CADM2: variants seen among roughly 807,000 people sequenced by gnomAD.
The protein encoded by CADM2 is immunoglobulin superfamily member 4D.
A neutral mutation model predicts 49.8 loss-of-function variants in CADM2; 12 were observed. That is an observed-to-expected ratio of 0.24 (90% CI 0.15 to 0.39). The LOEUF (loss-of-function observed/expected upper bound fraction) is 0.39. Among genes scored for constraint, CADM2 ranks in the 10% least tolerant of loss-of-function variants. CADM2 has a pLI of 1.00. For missense variants in CADM2, 378 were observed against 492.3 expected (o/e 0.77, Z 2.20); for synonymous variants, 214 against 175.4 (o/e 1.22, Z -1.74).
intron 1 of CADM2, among the ~76,000 whole-genome samples, chr3:85,229,268 G>C (rs1037103142): frequency 6.6e-6 from 1 of 152,156 alleles, no homozygotes; most frequent in Non-Finnish European, 1.5e-5. Flanking sequence ...GACCCGCTGA[G>C]CCAGGCACCA....
intron 1 of CADM2, among the ~76,000 whole-genome samples, chr3:84,990,624 A>T (rs1315450574): frequency 1.3e-5 from 2 of 151,990 alleles, no homozygotes; most frequent in African/African-American, 4.8e-5. Context: ...ATTAAAATAC[A>T]TTTTTATAAT....
intron 1 of CADM2, among the ~76,000 whole-genome samples, chr3:85,696,633 T>C (rs1003546995): frequency 6.6e-6 from 1 of 152,070 alleles, no homozygotes; most frequent in Non-Finnish European, 1.5e-5. Context: ...AAATTCTTAG[T>C]AGTTAATATT....
intron 8 of CADM2, among the ~76,000 whole-genome samples, chr3:86,037,465 A>G (rs149123860): frequency 6.6e-6 from 1 of 152,320 alleles, no homozygotes; most frequent in African/African-American, 2.4e-5. Context: ...GCACTAAACT[A>G]TAATGAAAGG....
At chr3:85,318,561 G>A (rs1307809758) in intron 1 of CADM2, among the ~76,000 whole-genome samples, 1 of 151,936 alleles carries the variant, frequency 6.6e-6, no homozygotes, top group African/African-American at 2.4e-5. Flanking sequence ...AAAGAAACAA[G>A]GTCCAAACTA....
At chr3:85,769,548 CATATATGTATATAT>C (rs2069933563) in intron 2 of CADM2, among the ~76,000 whole-genome samples, 1 of 73,842 alleles carries the variant, frequency 1.4e-5, no homozygotes, top group African/African-American at 5.2e-5. Flanking sequence ...CACGTATATA[CATATATGTATATAT>C]ACACGTATAT....
intron 2 of CADM2, among the ~76,000 whole-genome samples, chr3:85,792,815 C>G (rs570038479): frequency 4.6e-5 from 7 of 152,318 alleles, no homozygotes; most frequent in South Asian, 4.1e-4. Context: ...TCTCTTTCAA[C>G]AATACTTATT....
intron 1 of CADM2, among the ~76,000 whole-genome samples, chr3:85,065,844 A>G (rs2036509674): frequency 6.6e-6 from 1 of 152,180 alleles, no homozygotes; most frequent in Non-Finnish European, 1.5e-5. Context: ...GATTTGGAGT[A>G]TATATGAAAA....
intron 1 of CADM2, among the ~76,000 whole-genome samples, chr3:85,551,035 G>A (rs572060105): frequency 2.0e-5 from 3 of 152,074 alleles, no homozygotes; most frequent in Non-Finnish European, 4.4e-5. Flanking sequence ...TCAGGCTGGA[G>A]TGTAGTGGTG....
At chr3:85,318,819 G>C (rs886670481) in intron 1 of CADM2, among the ~76,000 whole-genome samples, 4 of 152,104 alleles carry the variant, frequency 2.6e-5, no homozygotes, top group Non-Finnish European at 5.9e-5. Context: ...TAAGGTCATT[G>C]ACTGTAAGTT....
intron 2 of CADM2, among the ~76,000 whole-genome samples, chr3:85,776,122 A>G (rs1193325743): frequency 6.6e-6 from 1 of 151,908 alleles, no homozygotes; most frequent in Non-Finnish European, 1.5e-5. Flanking sequence ...TTATACTTTC[A>G]TTATTGTTAT....
At chr3:85,967,081 TAATAATA>T in intron 8 of CADM2, among the ~76,000 whole-genome samples, 1 of 151,800 alleles carries the variant, frequency 6.6e-6, no homozygotes, top group African/African-American at 2.4e-5. Flanking sequence ...CTTTTATTGT[TAATAATA>T]AATGTCAAAA....
chr3:85,646,214 G>T (rs971498396), intron 1 of CADM2, among the ~76,000 whole-genome samples: 1 of 151,926 alleles, frequency 6.6e-6, no homozygotes, highest in Admixed American at 6.6e-5. Context: ...AACCTGAACT[G>T]TTTCCTAGAT....
At chr3:85,836,830 C>A (rs1416495867) in intron 3 of CADM2, among the ~76,000 whole-genome samples, 1 of 151,532 alleles carries the variant, frequency 6.6e-6, no homozygotes, top group Non-Finnish European at 1.5e-5. Flanking sequence ...TTGATACGAG[C>A]AAAATGGCAT....
In CADM2 at chr3:84,959,303, T is replaced by C. The variant is rs1378702273; in HGVS notation, c.-305T>C. Reference sequence around the variant, plus strand: ...AGCCCCGGCGGGCTCTGGGACTTGCTGTGCGCGCCGAGAGGAAGGCAAGCT... The same window carrying C: ...AGCCCCGGCGGGCTCTGGGACTTGCCGTGCGCGCCGAGAGGAAGGCAAGCT... On this transcript the variant is annotated 5_prime_UTR_variant, in exon 1 of 10. Transcript: ENST00000383699. 1 of 518,610 alleles carries C rather than the reference T, an allele frequency of 1.9e-6. No homozygotes were observed. Among genetic ancestry groups the C allele is most frequent in the East Asian group, 3.5e-5 (1 of 28,202 alleles). The allele number at this position is 518,610 out of a possible 1,614,324, so 32.1% of individuals were successfully genotyped here.
chr3:85,557,792 T>C (rs2061998214), intron 1 of CADM2, among the ~76,000 whole-genome samples: 1 of 152,016 alleles, frequency 6.6e-6, no homozygotes, highest in East Asian at 1.9e-4. Flanking sequence ...ATTTAATCTA[T>C]TTGTGAGTCC....
At chr3:85,292,040 A>G (rs2043813277) in intron 1 of CADM2, among the ~76,000 whole-genome samples, 1 of 151,670 alleles carries the variant, frequency 6.6e-6, no homozygotes, top group Non-Finnish European at 1.5e-5. Context: ...TATTCAGGAA[A>G]CCCATCTCAT....
chr3:85,062,788 C>G (rs1320378396), intron 1 of CADM2, among the ~76,000 whole-genome samples: 1 of 151,828 alleles, frequency 6.6e-6, no homozygotes, highest in Non-Finnish European at 1.5e-5. Context: ...ATTCTCAACC[C>G]TAATGATGAT....
rs1236607119 is a variant in CADM2, at chr3:86,070,012, G to A, written c.*3229G>A. The A allele has an allele frequency of 6.6e-6, 1 of 151,778 alleles. No individual in the cohort carries two copies. The highest frequency in any genetic ancestry group is 2.4e-5 in the African/African-American group (1 of 41,396). 9.4% of individuals were successfully genotyped at this position (151,778 alleles called of 1,614,324 possible). ...ATAAGAGAGAAAGAGAAATCGAAAA[G>A]AGAGAGAAATTTCAACTTGTTTTCT... On this transcript the variant is annotated 3_prime_UTR_variant, in exon 10 of 10. Coordinates refer to ENST00000383699, the MANE Select transcript of CADM2 (RefSeq NM_001167675.2).
chr3:85,087,981 ATCT>A, intron 1 of CADM2, among the ~76,000 whole-genome samples: 1 of 152,166 alleles, frequency 6.6e-6, no homozygotes, highest in Non-Finnish European at 1.5e-5. Context: ...TCCTGTTTAC[ATCT>A]TCTCTGCACA....
Sources: allele counts gnomAD v4.1 joint callset (sites outside exome capture counted in the v4.1 genomes callset), GRCh38; gene constraint gnomAD v4.1.1; transcripts MANE v1.5; gene names NCBI Gene and HGNC (gene_info 2026-07-23, HGNC 2026-07-21).